The following ALAS2 variants were observed in gnomAD, a reference collection of about 807,000 sequenced individuals.
ALAS2 encodes the protein 5-aminolevulinate synthase, erythroid-specific, mitochondrial.
Under a neutral mutation model 33.7 loss-of-function variants are expected in ALAS2, and 3 were observed. That is an observed-to-expected ratio of 0.09 (90% confidence interval 0.04 to 0.23). The LOEUF (loss-of-function observed/expected upper bound fraction) is 0.23, where lower values mean the gene tolerates loss of function less well. ALAS2 is among the 10% of genes least tolerant of loss of function. The pLI is 1.00. For synonymous variants in ALAS2, 191 were observed against 177.3 expected, an observed-to-expected ratio of 1.08 and a Z score of -0.61; for missense variants, 304 against 475.1, an observed-to-expected ratio of 0.64 and a Z score of 3.35.
At chrX:55,027,831 G>T (rs774873476) in intron 1 of ALAS2, 1 of 1,195,176 alleles carries the variant, frequency 8.4e-7, no homozygotes, top group African/African-American at 1.7e-5. Context: ...AGCCTGGGTT[G>T]GTATGTGGGG....
chrX:55,026,264 G>C (rs997417179), intron 1 of ALAS2, among the ~76,000 whole-genome samples: 1 of 112,129 alleles, frequency 8.9e-6, no homozygotes, highest in Admixed American at 9.4e-5. Flanking sequence ...CAGAAAGCCT[G>C]GATTCTGACT....
intron 3 of ALAS2, 114 bp from the exon 4 acceptor site, chrX:55,023,981 G>A: frequency 1.7e-6 from 1 of 592,935 alleles, no homozygotes; most frequent in Non-Finnish European, 2.8e-6. Context: ...ATAAGGTAAG[G>A]GCAGCTTCTA....
At chrX:55,023,896 G>A (rs781744821) in intron 3 of ALAS2, 29 bp from the exon 4 acceptor site, 12 of 1,110,855 alleles carry the variant, frequency 1.1e-5, no homozygotes, top group African/African-American at 1.8e-5. Context: ...TTCATTGGCC[G>A]TGAAGAGAAT....
At chrX:55,009,515 T>G (rs1397988240) in intron 10 of ALAS2, among the ~76,000 whole-genome samples, 172 bp from the exon 11 acceptor site, 2 of 111,664 alleles carry the variant, frequency 1.8e-5, no homozygotes, top group East Asian at 5.6e-4. Context: ...ACCATTTGTA[T>G]CTGGATGCTG....
At chrX:55,016,827 C>A (rs1217416914) in intron 7 of ALAS2, among the ~76,000 whole-genome samples, 1 of 111,711 alleles carries the variant, frequency 9.0e-6, no homozygotes, top group Non-Finnish European at 1.9e-5. Flanking sequence ...ATTCTTACAA[C>A]CAGATATTTT....
chrX:55,030,514 G>C (rs1331516724), intron 1 of ALAS2, among the ~76,000 whole-genome samples: 1 of 111,346 alleles, frequency 9.0e-6, no homozygotes, highest in Non-Finnish European at 1.9e-5. Flanking sequence ...ATGGGGAATT[G>C]CAGGAAGAAA....
chrX:55,028,912 G>A (rs948201368), intron 1 of ALAS2, among the ~76,000 whole-genome samples: 2 of 111,288 alleles, frequency 1.8e-5, no homozygotes, highest in African/African-American at 6.5e-5. Flanking sequence ...CACTAGCTTT[G>A]GGACCTTAGA....
At chrX:55,019,141 CA>C (rs199834613) in intron 6 of ALAS2, among the ~76,000 whole-genome samples, 1,878 of 110,653 alleles carry the variant, frequency 0.017, 49 homozygotes, top group African/African-American at 0.059. Context: ...AGAGAGTGAT[CA>C]GGGGTTGAGG....
intron 1 of ALAS2, among the ~76,000 whole-genome samples, chrX:55,029,369 T>A (rs1038179291): frequency 1.3e-4 from 14 of 111,921 alleles, no homozygotes. Flanking sequence ...GGCCGTGTTC[T>A]CATGTCAACC....
chrX:55,020,831 C>T (rs988481475), intron 5 of ALAS2, among the ~76,000 whole-genome samples: 4 of 111,921 alleles, frequency 3.6e-5, no homozygotes, highest in African/African-American at 1.3e-4. Context: ...CTTGCTTGGT[C>T]TCCCATCCTT....
chrX:55,027,723 T>C lies in ALAS2; in HGVS notation c.-15-1708A>G, dbSNP rs1935914193. ...CTCCTTCATCTCCCTCCCTTCCTGA[T>C]CTCATAGAACAAGCACCCTCCCCGT... On this transcript the variant is annotated intron_variant, in intron 1 of 10. Coordinates refer to ENST00000650242, the MANE Select transcript of ALAS2 (RefSeq NM_000032.5). 2.5e-6 allele frequency: 3 copies of C among 1,203,556 alleles called. No homozygotes were observed. The African/African-American group carries it at 5.3e-5, about 21-fold the overall frequency.
intron 10 of ALAS2, among the ~76,000 whole-genome samples, chrX:55,013,116 T>C (rs1441406722): frequency 3.6e-5 from 4 of 111,812 alleles, no homozygotes; most frequent in African/African-American, 9.8e-5. Context: ...GCCCTCTTTC[T>C]TTTAATACCA....
chrX:55,026,027 A>T lies in ALAS2; in HGVS notation c.-15-12T>A, dbSNP rs1410150605. The T allele has an allele frequency of 4.2e-6, 5 of 1,199,420 alleles. No homozygotes were observed. The East Asian group carries it at 1.5e-4, about 36-fold the overall frequency. On this transcript the variant is annotated splice_polypyrimidine_tract_variant and intron_variant, in intron 1 of 10. Coordinates refer to ENST00000650242, the MANE Select transcript of ALAS2 (RefSeq NM_000032.5). ...TTGAACCTAAAGTCCTGCAGAAGAC[A>T]TGGAAGAGATGAGGTTCCATCATGA...
chrX:55,024,740 T>C lies in ALAS2; in HGVS notation c.282A>G (p.Glu94=), dbSNP rs150313977. The C allele has an allele frequency of 1.4e-3, 1,747 of 1,210,285 alleles. 16 individuals are homozygous for C. In the African/African-American group the frequency reaches 0.025, roughly 17 times the overall value. ...AACCTGTCTTGAAAGCCTTCACATC[T>C]TCCTGGACTTCTGGGGCTGCCTTCT... The part of the protein sequence containing the change: ...IVQKAAPEVQ[E]DVKAFKTDLP... Residue 94 remains glutamate (E), a synonymous_variant, in exon 3 of 11, where the codon GAA becomes GAG. Coordinates refer to ENST00000650242, the MANE Select transcript of ALAS2 (RefSeq NM_000032.5).
chrX:55,028,064 G>A (rs190863891), intron 1 of ALAS2, among the ~76,000 whole-genome samples: 3 of 111,629 alleles, frequency 2.7e-5, no homozygotes, highest in African/African-American at 9.8e-5. Flanking sequence ...GCTGTCAAAC[G>A]TGAGGTAATT....
At chrX:55,025,680 A>G in intron 2 of ALAS2, 140 bp downstream of exon 2, 3 of 631,212 alleles carry the variant, frequency 4.8e-6, no homozygotes, top group Non-Finnish European at 7.7e-6. Flanking sequence ...GATTCTGGGT[A>G]TATTTTGGGG....
intron 7 of ALAS2, among the ~76,000 whole-genome samples, chrX:55,016,151 A>G (rs1569547817): frequency 1.8e-5 from 2 of 110,421 alleles, no homozygotes; most frequent in Non-Finnish European, 1.9e-5. Context: ...AATGGGAGAG[A>G]TTCAGCCTAA....
At chrX:55,022,561 A>G (rs954567883) in intron 4 of ALAS2, among the ~76,000 whole-genome samples, 7 of 111,825 alleles carry the variant, frequency 6.3e-5, no homozygotes, top group Non-Finnish European at 1.1e-4. Flanking sequence ...GACTATGGAT[A>G]CCCTCCTTGA....
chrX:55,013,344 T>C, intron 10 of ALAS2, 142 bp downstream of exon 10: 1 of 651,382 alleles, frequency 1.5e-6, no homozygotes, highest in South Asian at 3.3e-5. Context: ...CATTTATTTG[T>C]GACCCTAGTA....
Sources: gnomAD v4.1 joint callset for allele counts (sites outside exome capture counted in the v4.1 genomes callset) on GRCh38, gnomAD v4.1.1 for gene constraint, MANE v1.5 for transcripts, NCBI Gene and HGNC (gene_info 2026-07-23, HGNC 2026-07-21) for gene names.